TTC7B: variants seen among roughly 807,000 people sequenced by gnomAD.
TTC7B encodes the protein tetratricopeptide repeat domain 7B.
In TTC7B, 28 loss-of-function variants were observed where a neutral mutation model predicts 106.8. The observed-to-expected ratio is 0.26, with a 90% CI of 0.19 to 0.36. The LOEUF is 0.36. Ranked by LOEUF, TTC7B falls within the 10% of genes least tolerant of loss-of-function variation. The pLI is 1.00. For missense variants in TTC7B, 862 were observed against 1,076.4 expected (o/e 0.80, Z 2.79); for synonymous variants, 405 against 430.6 (o/e 0.94, Z 0.74).
chr14:90,647,642 G>C (rs531778633), intron 13 of TTC7B, among the ~76,000 whole-genome samples: 17 of 152,172 alleles, frequency 1.1e-4, no homozygotes, highest in African/African-American at 4.1e-4. Context: ...TGAGACACTA[G>C]GCTCAGTTTT....
At chr14:90,715,943 C>T (rs1998737) in intron 5 of TTC7B, among the ~76,000 whole-genome samples, 16,270 of 152,258 alleles carry the variant, frequency 0.11, 976 homozygotes, top group Admixed American at 0.18. Flanking sequence ...TCCCCCAGTA[C>T]AGACCTTCAT....
chr14:90,611,007 G>C (rs1892850036), intron 16 of TTC7B, among the ~76,000 whole-genome samples, 168 bp from the exon 17 acceptor site: 8 of 152,032 alleles, frequency 5.3e-5, no homozygotes, highest in Admixed American at 5.2e-4. Flanking sequence ...GCTTGGCCTG[G>C]GCTGCGATTC....
Position 90,796,342 on chromosome 14 carries a change from G to A in TTC7B, c.122-10014C>T, listed in dbSNP as rs200048399. ...CCCCAATGGCTTATATAGGGATAAA[G>A]CCTGAAGCCAAAGAGAGACCACTAG... is the stretch of plus-strand genomic sequence containing the variant. On this transcript the variant is annotated intron_variant, in intron 1 of 19. Transcript: ENST00000328459. Among the ~76,000 whole-genome samples, 5 of 152,316 alleles carry A rather than the reference G, an allele frequency of 3.3e-5. No individual in the cohort carries two copies. The East Asian group carries it at 9.6e-4, about 29-fold the overall frequency.
chr14:90,556,252 C>T (rs535293859), intron 19 of TTC7B, among the ~76,000 whole-genome samples: 1 of 152,250 alleles, frequency 6.6e-6, no homozygotes, highest in Admixed American at 6.5e-5. Context: ...CCAGGCATCC[C>T]CCCTACCCTG....
Position 90,534,540 on chromosome 14 carries a change from G to A in TTC7B, c.*6828C>T, listed in dbSNP as rs1889368673. The A allele has an allele frequency of 6.6e-6, 1 of 152,406 alleles. No homozygotes were observed. The highest frequency in any genetic ancestry group is 2.1e-4 in the South Asian group (1 of 4,832). The allele number at this position is 152,406 out of a possible 1,614,324, so 9.4% of individuals were successfully genotyped here. A position where few individuals can be genotyped will look rare whatever the true frequency, so the allele number is the denominator to read the frequency against. The stretch of plus-strand genomic sequence containing the variant: ...GACACAGTTTACAGAACTTCAATAT[G>A]AGTGGTGTCCCCTCACTGGGCAATG... On this transcript the variant is annotated 3_prime_UTR_variant, in exon 20 of 20. Coordinates refer to ENST00000328459, the MANE Select transcript of TTC7B (RefSeq NM_001010854.2).
chr14:90,661,822 G>C (rs1025507910), intron 9 of TTC7B, among the ~76,000 whole-genome samples: 10 of 152,218 alleles, frequency 6.6e-5, no homozygotes, highest in African/African-American at 2.4e-4. Flanking sequence ...AACAAAAGGA[G>C]CTCTGCAGCT....
chr14:90,613,526 T>C (rs1320002708), intron 16 of TTC7B, among the ~76,000 whole-genome samples: 1 of 152,240 alleles, frequency 6.6e-6, no homozygotes, highest in African/African-American at 2.4e-5. Context: ...ACTCCTAGAA[T>C]ACAGGACAAG....
chr14:90,699,179 ACT>A (rs772681187), intron 5 of TTC7B: 3 of 455,354 alleles, frequency 6.6e-6, no homozygotes, highest in Non-Finnish European at 8.8e-6. Flanking sequence ...CTGTTCTATG[ACT>A]CTGAACCACA....
At chr14:90,664,869 A>G (rs745594695) in intron 9 of TTC7B, among the ~76,000 whole-genome samples, 26 of 152,182 alleles carry the variant, frequency 1.7e-4, no homozygotes, top group Non-Finnish European at 3.4e-4. Flanking sequence ...GAAGGCTATC[A>G]ATGGGTTGGC....
intron 15 of TTC7B, among the ~76,000 whole-genome samples, chr14:90,622,941 GC>G (rs979000500): frequency 2.5e-4 from 38 of 151,772 alleles, no homozygotes; most frequent in African/African-American, 8.2e-4. Flanking sequence ...CATCACCTAC[GC>G]CCCCACTCGA....
Position 90,657,151 on chromosome 14 carries a change from G to A in TTC7B, c.1341+23C>T. ...TGGCCCAGAGTCCTCTGCAGGAGCG[G>A]GGAGGGGGGCGCCCCTACTCACCCA... is the stretch of plus-strand genomic sequence containing the variant. On this transcript the variant is annotated intron_variant, in intron 11 of 19. Transcript: ENST00000328459. This position sits in a 1 kb window ranked among gnomAD's most constrained non-coding sequence, Gnocchi z 4.2. The A allele has an allele frequency of 6.2e-7, 1 of 1,601,142 alleles. No homozygotes were observed.
At position 90,816,248 on chromosome 14, in the gene TTC7B, G is replaced by T; in HGVS notation, c.48C>A (p.Arg16=). Residue 16 remains arginine (R), a synonymous_variant, in exon 1 of 20, where the codon CGC becomes CGA. Transcript: ENST00000328459. ...GCTCCCACTGGCACTCGGAGCGGCA[G>T]CGCTCGATCTCCGTCTCCAGCCGCG... ...AGSRLETEIE[R]CRSECQWERI... 1 of 1,258,996 alleles carries T rather than the reference G, an allele frequency of 7.9e-7. No individual in the cohort carries two copies. The highest frequency in any genetic ancestry group is 1.0e-6 in the Non-Finnish European group (1 of 970,476). 78.0% of individuals were successfully genotyped at this position (1,258,996 alleles called of 1,614,324 possible). A position where few individuals can be genotyped will look rare whatever the true frequency, so the allele number is the denominator to read the frequency against.
chr14:90,630,180 T>C (rs1447513660), intron 15 of TTC7B, among the ~76,000 whole-genome samples: 1 of 152,164 alleles, frequency 6.6e-6, no homozygotes, highest in Non-Finnish European at 1.5e-5. Flanking sequence ...AATCTTCAGT[T>C]TCCAGACAAT....
intron 5 of TTC7B, among the ~76,000 whole-genome samples, chr14:90,696,566 C>T (rs1226490673): frequency 6.6e-6 from 1 of 152,158 alleles, no homozygotes; most frequent in East Asian, 1.9e-4. Context: ...TTGAATCATG[C>T]AAAGATATTA....
Position 90,757,558 on chromosome 14 carries a change from C to T in TTC7B, c.446-12636G>A, listed in dbSNP as rs1890344043. On this transcript the variant is annotated intron_variant, in intron 3 of 19. Transcript: ENST00000328459. This position sits in a 1 kb window ranked among gnomAD's most constrained non-coding sequence, Gnocchi z 4.1. ...GAGATTCAAGCTCAGAGATGATTTG[C>T]CCAAGGTCACATGGGCAAATCCTGA... Among the ~76,000 whole-genome samples the T allele has an allele frequency of 6.6e-6, 1 of 152,184 alleles. No individual in the cohort carries two copies. The highest frequency in any genetic ancestry group is 2.4e-5 in the African/African-American group (1 of 41,444).
intron 19 of TTC7B, among the ~76,000 whole-genome samples, chr14:90,571,741 C>T (rs1182773824): frequency 6.6e-6 from 1 of 152,198 alleles, no homozygotes; most frequent in Non-Finnish European, 1.5e-5. Context: ...ATTTCATCAG[C>T]TTAATTGGGC....
At chr14:90,780,416 A>AGAGAGAGAGAG (rs2140035296) in intron 3 of TTC7B, among the ~76,000 whole-genome samples, 2 of 150,654 alleles carry the variant, frequency 1.3e-5, no homozygotes, top group African/African-American at 4.9e-5. Context: ...ACAGAGAAAG[A>AGAGAGAGAGAG]AAGAAAGAAA....
At position 90,608,068 on chromosome 14, in the gene TTC7B, CTG is replaced by C. The variant is rs1334441231; in HGVS notation, c.1966+2672_1966+2673del. ...AAATCAAGGTGAGGGAATAAACAAT[CTG>C]TGTTGTGGGTGGTTCGCAAGGCGGG... On this transcript the variant is annotated intron_variant, in intron 17 of 19. Transcript: ENST00000328459. The surrounding 1 kb of genome is among the most constrained non-coding windows in gnomAD (Gnocchi z 5.1). 1.6e-4 allele frequency among the ~76,000 whole-genome samples: 24 copies of C among 152,028 alleles called. No individual in the cohort carries two copies. Among genetic ancestry groups the C allele is most frequent in the East Asian group, 5.8e-4 (3 of 5,158 alleles).
rs192546070 is a variant in TTC7B, at chr14:90,784,066, G to A, written c.276+2108C>T. On this transcript the variant is annotated intron_variant, in intron 2 of 19. Transcript: ENST00000328459. ...AGATGAAGTTGGGGGGCGGGTAGAC[G>A]GGGGAAAGAAACAAGCCAGATCTCT... Among the ~76,000 whole-genome samples, 470 of 152,154 alleles carry A rather than the reference G, an allele frequency of 3.1e-3. 3 individuals are homozygous for A. Among genetic ancestry groups the A allele is most frequent in the African/African-American group, 0.011 (445 of 41,492 alleles).
Sources: allele counts gnomAD v4.1 joint callset (sites outside exome capture counted in the v4.1 genomes callset), GRCh38; gene constraint gnomAD v4.1.1; non-coding constraint Gnocchi (gnomAD v3.1); transcripts MANE v1.5; gene names NCBI Gene and HGNC (gene_info 2026-07-23, HGNC 2026-07-21).